The following PRSS57 variants were observed in gnomAD, a reference collection of about 807,000 sequenced individuals.
PRSS57 encodes the protein serine protease 57, also known as neutrophil serine protease 4.
A neutral mutation model predicts 20.6 loss-of-function variants in PRSS57; 19 were observed. That is an observed-to-expected ratio of 0.92 (90% CI 0.64 to 1.35). The LOEUF is 1.35. Ranked by LOEUF, PRSS57 falls within the 40% of genes most tolerant of loss-of-function variation. The pLI, the probability that PRSS57 is intolerant of heterozygous loss-of-function variation, is 0.00. For synonymous variants in PRSS57, 203 were observed against 176.6 expected (o/e 1.15, Z -1.19); for missense variants, 440 against 403.7 (o/e 1.09, Z -0.77).
chr19:685,771 C>T lies in PRSS57; in HGVS notation c.794G>A (p.Ser265Asn), dbSNP rs1349484950. 6.4e-7 allele frequency: 1 copy of T among 1,565,962 alleles called. No homozygotes were observed. The highest frequency in any genetic ancestry group is 8.7e-7 in the Non-Finnish European group (1 of 1,153,996). The change falls in exon 5 of 5, where the codon AGT becomes AAT. Residue 265 changes from serine to asparagine, a missense_variant. Ser to Asn is a conservative substitution (Grantham distance 46, BLOSUM62 1). Transcript: ENST00000329267. Reference protein sequence around the residue: ...AWIWDVVRRSSPQPGPLPGTT... With the variant: ...AWIWDVVRRSNPQPGPLPGTT... ...CCCAGGCAGGGGGCCGGGCTGGGGA[C>T]TGCTCCGCCGAACCACGTCCCAGAT...
At chr19:692,975 A>G (rs1444377805) in intron 2 of PRSS57, among the ~76,000 whole-genome samples, 4 of 149,410 alleles carry the variant, frequency 2.7e-5, no homozygotes, top group African/African-American at 4.9e-5. Context: ...TCACCCAGGC[A>G]AGATTGCAGT....
chr19:689,773 G>T (rs371955297), intron 3 of PRSS57, among the ~76,000 whole-genome samples: 1 of 152,116 alleles, frequency 6.6e-6, no homozygotes, highest in Non-Finnish European at 1.5e-5. Context: ...ATAAAAATTC[G>T]CCTGGCGCAG....
At chr19:689,358 G>A (rs1449126978) in intron 3 of PRSS57, among the ~76,000 whole-genome samples, 2 of 151,882 alleles carry the variant, frequency 1.3e-5, no homozygotes, top group Non-Finnish European at 2.9e-5. Flanking sequence ...GGTAACATTT[G>A]AGCAAAGACT....
rs376045317 is a variant in PRSS57 at position 691,848 on chromosome 19, C to T, written c.378+10G>A. On this transcript the variant is annotated intron_variant, in intron 3 of 4. Coordinates refer to ENST00000329267, the MANE Select transcript of PRSS57 (RefSeq NM_001308209.2). ...ACTAAACATACGTCAGATCCACCCC[C>T]GGGGCTCACCCGCAGCAGGCAGATG... 36 of 1,326,034 alleles carry T rather than the reference C, an allele frequency of 2.7e-5. No homozygotes were observed. The highest frequency in any genetic ancestry group is 2.4e-4 in the Admixed American group (8 of 32,898). 82.1% of individuals were successfully genotyped at this position (1,326,034 alleles called of 1,614,324 possible).
In PRSS57 at chr19:692,008, G is replaced by A; in HGVS notation, c.234-6C>T. ...CCAGGCCAGTGCGGAGGTCTCTGCA[G>A]GGAGGAGGTGGTGGGTGAGACGGGG... On this transcript the variant is annotated splice_polypyrimidine_tract_variant and splice_region_variant and intron_variant, in intron 2 of 4. Coordinates refer to ENST00000329267, the MANE Select transcript of PRSS57 (RefSeq NM_001308209.2). The A allele has an allele frequency of 3.0e-6, 4 of 1,313,574 alleles. No homozygotes were observed. The highest frequency in any genetic ancestry group is 3.9e-6 in the Non-Finnish European group (4 of 1,022,772). 81.4% of individuals were successfully genotyped at this position (1,313,574 alleles called of 1,614,324 possible). A position where few individuals can be genotyped will look rare whatever the true frequency, so the allele number is the denominator to read the frequency against.
At chr19:694,772 G>C in intron 2 of PRSS57, 42 bp downstream of exon 2, 2 of 1,577,568 alleles carry the variant, frequency 1.3e-6, no homozygotes, top group Non-Finnish European at 1.7e-6. Flanking sequence ...CTCATGTCGG[G>C]ATACGGTGTC....
intron 3 of PRSS57, among the ~76,000 whole-genome samples, chr19:687,835 T>C (rs7359958): frequency 0.4 from 61,537 of 152,014 alleles, 13,227 homozygotes; most frequent in African/African-American, 0.53. Flanking sequence ...AGCCTCCCCT[T>C]TGGCCAGGCA....
chr19:695,392 C>T lies in PRSS57; in HGVS notation c.39G>A (p.Leu13=). The change falls in exon 1 of 5, where the codon CTG becomes CTA. Residue 13 remains leucine (L), a synonymous_variant. Transcript: ENST00000329267. ...GCAGCATCAGGGCGGTGGCCACAGT[C>T]AGCAGAGGACGTCCCCAGCCCCTCA... ...LGLRGWGRPL[L]TVATALMLPV... 1 of 1,281,294 alleles carries T rather than the reference C, an allele frequency of 7.8e-7. No homozygotes were observed. 79.4% of individuals were successfully genotyped at this position (1,281,294 alleles called of 1,614,324 possible).
At chr19:691,809 A>G (rs758061369) in intron 3 of PRSS57, 49 bp downstream of exon 3, 1 of 1,314,392 alleles carries the variant, frequency 7.6e-7, no homozygotes, top group East Asian at 2.8e-5. Context: ...ACAGAGCGAG[A>G]GACTGTCTCA....
At chr19:686,046 C>A (rs1239525002) in intron 4 of PRSS57, 124 bp from the exon 5 acceptor site, 2 of 875,382 alleles carry the variant, frequency 2.3e-6, no homozygotes, top group Non-Finnish European at 3.4e-6. Context: ...AAAGTAAATT[C>A]ATTTCTCCCC....
intron 2 of PRSS57, 112 bp from the exon 3 acceptor site, chr19:692,114 A>C: frequency 9.0e-7 from 1 of 1,109,776 alleles, no homozygotes; most frequent in Non-Finnish European, 1.1e-6. Flanking sequence ...TCACGCCTGT[A>C]ATCCCAGCAC....
chr19:692,484 G>A (rs948891204), intron 2 of PRSS57, among the ~76,000 whole-genome samples: 15 of 137,084 alleles, frequency 1.1e-4, no homozygotes, highest in African/African-American at 2.5e-4. Context: ...GAGTGCAATC[G>A]AGGCTTACTG....
chr19:691,781 T>C, intron 3 of PRSS57, 77 bp downstream of exon 3: 1 of 1,262,918 alleles, frequency 7.9e-7, no homozygotes, highest in Non-Finnish European at 1.0e-6. Flanking sequence ...ATTGCGCCAT[T>C]GCCCTCCAGC....
In PRSS57 at chr19:694,872, CG is replaced by C. The variant is rs757311924; in HGVS notation, c.174del (p.Cys58TrpfsTer35). 1 of 1,606,228 alleles carries C rather than the reference CG, an allele frequency of 6.2e-7. No homozygotes were observed. Among genetic ancestry groups the C allele is most frequent in the South Asian group, 1.1e-5 (1 of 89,806 alleles). On this transcript the variant is annotated frameshift_variant, in exon 2 of 5. Transcript: ENST00000329267. LOFTEE classifies it high-confidence loss of function. ...CAGCGGGCTCGCAGCAGGAAGCCTC[CG>C]CAGTGATGTTGGCCCCCGAAGCGCA... Reference protein sequence around the residue: ...ASVRFGGQHHCGGFLLRARWV... With the variant: ...ASVRFGGQHHXGGFLLRARWV...
At chr19:689,844 C>T (rs112920633) in intron 3 of PRSS57, among the ~76,000 whole-genome samples, 3,270 of 152,148 alleles carry the variant, frequency 0.021, 111 homozygotes, top group African/African-American at 0.075. Flanking sequence ...ACTTGAGGAC[C>T]GGAGTTAAGA....
chr19:694,749 G>A (rs909447652), intron 2 of PRSS57, 65 bp downstream of exon 2: 7 of 1,509,522 alleles, frequency 4.6e-6, no homozygotes, highest in Non-Finnish European at 6.2e-6. Flanking sequence ...TCCCCCACCA[G>A]CCTGGAGTCC....
intron 1 of PRSS57, 30 bp from the exon 2 acceptor site, chr19:694,997 G>T (rs765592190): frequency 1.3e-6 from 2 of 1,494,506 alleles, no homozygotes; most frequent in Non-Finnish European, 1.8e-6. Context: ...AGTCAGGGAC[G>T]AGGCGGGAGG....
At position 687,163 on chromosome 19, in the gene PRSS57, G is replaced by C. The variant is rs747958489; in HGVS notation, c.404C>G (p.Pro135Arg). 4.7e-5 allele frequency: 74 copies of C among 1,587,096 alleles called. No individual in the cohort carries two copies. In the East Asian group the frequency reaches 1.5e-3, roughly 33 times the overall value. ...LRLNGSAVLG[P>R]AVGLLRPPGR... is the part of the protein sequence containing the mutation. The stretch of plus-strand genomic sequence containing the variant: ...TGGCGGCCTCAGCAGCCCCACTGCA[G>C]GGCCCAGGACAGCAGAGCCGTTCAG... Residue 135 changes from proline (P) to arginine (R), a missense_variant, in exon 4 of 5, where the codon CCT becomes CGT. Transcript: ENST00000329267.
Position 687,108 on chromosome 19 carries a change from C to G in PRSS57, c.459G>C (p.Gly153=), listed in dbSNP as rs771672523. 2.5e-6 allele frequency: 4 copies of G among 1,613,008 alleles called. No homozygotes were observed. The East Asian group carries it at 6.7e-5, about 27-fold the overall frequency. The change falls in exon 4 of 5, where the codon GGG becomes GGC. Residue 153 remains glycine (G), a synonymous_variant. Coordinates refer to ENST00000329267, the MANE Select transcript of PRSS57 (RefSeq NM_001308209.2). ...PGRRARPPTA[G]TRCRVAGWGF... is the part of the protein sequence containing the mutation. Reference sequence around the variant, plus strand: ...CCCAGCCAGCCACCCGGCACCGTGTCCCCGCTGTGGGGGGCCTGGCCCTTC... The same window carrying G: ...CCCAGCCAGCCACCCGGCACCGTGTGCCCGCTGTGGGGGGCCTGGCCCTTC...
Sources: gnomAD v4.1 joint callset for allele counts (sites outside exome capture counted in the v4.1 genomes callset) on GRCh38, gnomAD v4.1.1 for gene constraint, MANE v1.5 for transcripts, NCBI Gene and HGNC (gene_info 2026-07-23, HGNC 2026-07-21) for gene names.